RIC8B: variants seen among roughly 807,000 people sequenced by gnomAD.
The protein encoded by RIC8B is chaperone Ric-8B.
Under a neutral mutation model 57.5 loss-of-function variants are expected in RIC8B, and 16 were observed. The observed-to-expected ratio is 0.28, with a 90% CI of 0.19 to 0.42. RIC8B has a LOEUF of 0.42. Ranked by LOEUF, RIC8B falls within the 10% of genes least tolerant of loss-of-function variation. RIC8B has a pLI of 1.00. For missense variants in RIC8B, 481 were observed against 677.0 expected (o/e 0.71, Z 3.21); for synonymous variants, 216 against 250.8 (o/e 0.86, Z 1.31).
In RIC8B at chr12:106,851,465, A is replaced by T. The variant is rs1268877151; in HGVS notation, c.1177A>T (p.Arg393Trp). 1 of 1,613,736 alleles carries T rather than the reference A, an allele frequency of 6.2e-7. No individual in the cohort carries two copies. Among genetic ancestry groups the T allele is most frequent in the Non-Finnish European group, 8.5e-7 (1 of 1,179,812 alleles). The change falls in exon 7 of 10, where the codon AGG becomes TGG. Residue 393 changes from arginine (R) to tryptophan (W), a missense_variant. Around this residue, in one of 3 missense-constraint regions of RIC8B, gnomAD observed 421 missense variants for 560.9 expected, o/e 0.75. Transcript: ENST00000392837. ...FLKDQVLPPL[R>W]DVTNRPEVGS... ...GTGCCATCAGGTTTTACCACCGTTG[A>T]GGGATGTGACAAATCGACCTGAAGT...
intron 7 of RIC8B, among the ~76,000 whole-genome samples, chr12:106,857,372 G>A (rs1949753194): frequency 6.6e-6 from 1 of 152,118 alleles, no homozygotes; most frequent in African/African-American, 2.4e-5. Flanking sequence ...TGGTAAAAGA[G>A]CAAAAACGTA....
Position 106,870,735 on chromosome 12 carries a change from T to C in RIC8B, c.1452-88T>C, listed in dbSNP as rs2287241. 2.2e-5 allele frequency: 25 copies of C among 1,112,450 alleles called. 1 individual carries two copies. The East Asian group carries it at 6.6e-4, about 29-fold the overall frequency. The allele number at this position is 1,112,450 out of a possible 1,614,324, so 68.9% of individuals were successfully genotyped here. On this transcript the variant is annotated intron_variant, in intron 8 of 9. Coordinates refer to ENST00000392837, the MANE Select transcript of RIC8B (RefSeq NM_001330145.2). The stretch of plus-strand genomic sequence containing the variant: ...CCAATTTTTTGGCTATTATACTCTT[T>C]CTTATTATCACTTAAAAGTTGGACC...
chr12:106,854,078 G>A (rs1158360518), intron 7 of RIC8B, among the ~76,000 whole-genome samples: 1 of 152,042 alleles, frequency 6.6e-6, no homozygotes, highest in African/African-American at 2.4e-5. Context: ...AAGGGACTAT[G>A]GGAGATTATA....
At chr12:106,869,526 A>T (rs1460143435) in intron 8 of RIC8B, among the ~76,000 whole-genome samples, 1 of 151,604 alleles carries the variant, frequency 6.6e-6, no homozygotes, top group Non-Finnish European at 1.5e-5. Context: ...TGTATATTTG[A>T]CCCTCTCACT....
At chr12:106,873,440 G>C (rs1299742777) in intron 9 of RIC8B, among the ~76,000 whole-genome samples, 2 of 152,136 alleles carry the variant, frequency 1.3e-5, no homozygotes, top group African/African-American at 4.8e-5. Context: ...AAAGAATGAA[G>C]TCATTCTTTA....
At chr12:106,869,085 T>C (rs1035688518) in intron 8 of RIC8B, among the ~76,000 whole-genome samples, 7 of 152,136 alleles carry the variant, frequency 4.6e-5, no homozygotes, top group Non-Finnish European at 8.8e-5. Flanking sequence ...CCTTCTTGCC[T>C]GAGCAGTTCA....
rs1246310642 is a variant in RIC8B at position 106,888,736 on chromosome 12, C to T, written c.*2721C>T. 2 of 152,526 alleles carry T rather than the reference C, an allele frequency of 1.3e-5. No individual in the cohort carries two copies. Among genetic ancestry groups the T allele is most frequent in the Non-Finnish European group, 2.9e-5 (2 of 68,066 alleles). 9.4% of individuals were successfully genotyped at this position (152,526 alleles called of 1,614,324 possible). On this transcript the variant is annotated 3_prime_UTR_variant, in exon 10 of 10. Transcript: ENST00000392837. The stretch of plus-strand genomic sequence containing the variant: ...TGGATTTCCAATGAAGACCTGGAAT[C>T]CGTTAGGATAGGCCAGGGACCAAGG...
rs1313325252 is a variant in RIC8B at position 106,887,862 on chromosome 12, T to A, written c.*1847T>A. The A allele has an allele frequency of 2.0e-5, 3 of 152,354 alleles. No individual in the cohort carries two copies. The highest frequency in any genetic ancestry group is 4.8e-5 in the African/African-American group (2 of 41,444). The allele number at this position is 152,354 out of a possible 1,614,324, so 9.4% of individuals were successfully genotyped here. On this transcript the variant is annotated 3_prime_UTR_variant, in exon 10 of 10. Coordinates refer to ENST00000392837, the MANE Select transcript of RIC8B (RefSeq NM_001330145.2). ...CTATAATGGTGACCCTGAGTTTTTT[T>A]AAAAGAAGAAATTAAATCCAGAACG...
chr12:106,843,723 C>CAAAAA (rs11384376), intron 5 of RIC8B, 129 bp from the exon 6 acceptor site: 5 of 256,722 alleles, frequency 1.9e-5, no homozygotes, highest in South Asian at 4.5e-5. Flanking sequence ...CTCCCTCTCC[C>CAAAAA]AAAAAAAAAA....
At chr12:106,803,026 C>G (rs1005873448) in intron 2 of RIC8B, among the ~76,000 whole-genome samples, 1 of 151,640 alleles carries the variant, frequency 6.6e-6, no homozygotes, top group Non-Finnish European at 1.5e-5. Context: ...CCAGCCTGGG[C>G]AGCATAGCAA....
intron 2 of RIC8B, among the ~76,000 whole-genome samples, chr12:106,798,830 T>C (rs2044604644): frequency 6.6e-6 from 1 of 152,208 alleles, no homozygotes; most frequent in South Asian, 2.1e-4. Context: ...TGGCAAAATT[T>C]CTTATAGTTC....
intron 3 of RIC8B, among the ~76,000 whole-genome samples, chr12:106,818,958 G>C (rs1232822653): frequency 6.6e-6 from 1 of 152,056 alleles, no homozygotes; most frequent in Non-Finnish European, 1.5e-5. Flanking sequence ...TAGAGATGGG[G>C]TGTCTCCATG....
intron 9 of RIC8B, among the ~76,000 whole-genome samples, chr12:106,875,231 A>T (rs768931782): frequency 9.1e-4 from 139 of 152,292 alleles, no homozygotes; most frequent in Non-Finnish European, 1.2e-3. Flanking sequence ...AAATATAAAC[A>T]TTTAAGGCCT....
intron 4 of RIC8B, among the ~76,000 whole-genome samples, chr12:106,835,892 C>G (rs774351029): frequency 6.6e-6 from 1 of 152,194 alleles, no homozygotes; most frequent in Non-Finnish European, 1.5e-5. Context: ...TCAAAGTTTT[C>G]TTGAAGCTTC....
At chr12:106,779,900 G>A (rs1439689935) in intron 1 of RIC8B, among the ~76,000 whole-genome samples, 1 of 134,850 alleles carries the variant, frequency 7.4e-6, no homozygotes, top group Admixed American at 7.8e-5. Flanking sequence ...GTGTGTGTGT[G>A]TGTGTGTAGA....
At chr12:106,842,378 T>G (rs1024226283) in intron 4 of RIC8B, among the ~76,000 whole-genome samples, 2 of 152,202 alleles carry the variant, frequency 1.3e-5, no homozygotes, top group Non-Finnish European at 2.9e-5. Flanking sequence ...TATTCAACAT[T>G]TGTTTTTTTT....
chr12:106,782,643 G>A (rs541969483), intron 1 of RIC8B, among the ~76,000 whole-genome samples: 1 of 151,964 alleles, frequency 6.6e-6, no homozygotes, highest in African/African-American at 2.4e-5. Flanking sequence ...ATCTATATTC[G>A]AGGCAGCCTC....
chr12:106,833,277 A>G (rs949433986), intron 4 of RIC8B, among the ~76,000 whole-genome samples: 13 of 152,224 alleles, frequency 8.5e-5, no homozygotes, highest in African/African-American at 3.1e-4. Context: ...ATATTTTAAA[A>G]TAGATTTTTA....
chr12:106,777,476 A>T (rs578040684), intron 1 of RIC8B, among the ~76,000 whole-genome samples: 267 of 152,296 alleles, frequency 1.8e-3, no homozygotes, highest in Non-Finnish European at 2.5e-3. Context: ...TTATGAGGTG[A>T]TTATAGGGCA....
Sources: gnomAD v4.1 joint callset for allele counts (sites outside exome capture counted in the v4.1 genomes callset) on GRCh38, gnomAD v4.1.1 for gene constraint, gnomAD v4.1.1 regional missense constraint, MANE v1.5 for transcripts, NCBI Gene and HGNC (gene_info 2026-07-23, HGNC 2026-07-21) for gene names.